Variants in TRIM68 observed in about 807,000 individuals in gnomAD.
The protein encoded by TRIM68 is E3 ubiquitin-protein ligase TRIM68.
TRIM68 carries 36 observed loss-of-function variants against 41.9 expected under a neutral mutation model. The ratio of observed to expected loss-of-function variants is 0.86; its 90% CI spans 0.66 to 1.14. The LOEUF is 1.14. TRIM68 is among the 50% of genes most tolerant of loss of function. The pLI, the probability that TRIM68 is intolerant of heterozygous loss-of-function variation, is 0.00. For synonymous variants in TRIM68, 225 were observed against 224.6 expected, an observed-to-expected ratio of 1.00 and a Z score of -0.02; for missense variants, 632 against 605.1, an observed-to-expected ratio of 1.04 and a Z score of -0.47.
At position 4,600,452 on chromosome 11, in the gene TRIM68, C is replaced by T. The variant is rs778466991; in HGVS notation, c.1282G>A (p.Asp428Asn). 19 of 1,613,668 alleles carry T rather than the reference C, an allele frequency of 1.2e-5. No homozygotes were observed. The South Asian group carries it at 2.0e-4, about 17-fold the overall frequency. ...VPPRRVGIFV[D>N]YEAHDISFYN... ...AAAGAAATGTCATGGGCCTCATAAT[C>T]CACGAAGATTCCCACCCGGCGAGGA... is the stretch of plus-strand genomic sequence containing the variant. Residue 428 changes from aspartate to asparagine, a missense_variant, in exon 7 of 7, where the codon GAT becomes AAT. Physicochemically the swap from Asp to Asn is conservative, Grantham distance 23. Transcript: ENST00000300747.
intron 2 of TRIM68, among the ~76,000 whole-genome samples, chr11:4,603,754 T>C (rs965773663): frequency 2.6e-5 from 4 of 152,184 alleles, no homozygotes; most frequent in African/African-American, 9.6e-5. Context: ...ATCTTGGCCT[T>C]ACTTTAGACC....
intron 1 of TRIM68, among the ~76,000 whole-genome samples, chr11:4,607,556 G>C (rs1306138259): frequency 6.6e-6 from 1 of 152,156 alleles, no homozygotes; most frequent in Non-Finnish European, 1.5e-5. Context: ...GTAAGGCAAA[G>C]AAATATCAAA....
chr11:4,602,472 T>C, intron 3 of TRIM68, 60 bp from the exon 4 acceptor site: 1 of 1,592,134 alleles, frequency 6.3e-7, no homozygotes, highest in Non-Finnish European at 8.6e-7. Flanking sequence ...TCGAGCATAC[T>C]GACATATGCA....
At position 4,599,832 on chromosome 11, in the gene TRIM68, G is replaced by C. The variant is rs565928117; in HGVS notation, c.*444C>G. On this transcript the variant is annotated 3_prime_UTR_variant, in exon 7 of 7. Coordinates refer to ENST00000300747, the MANE Select transcript of TRIM68 (RefSeq NM_018073.8). ...CTGACTGGCCTCAGCACAACAACCA[G>C]CTCTGGGTATGCGCAGCATTTTTTT... 1 of 155,858 alleles carries C rather than the reference G, an allele frequency of 6.4e-6. No individual in the cohort carries two copies. Among genetic ancestry groups the C allele is most frequent in the South Asian group, 2.0e-4 (1 of 4,948 alleles). 9.7% of individuals were successfully genotyped at this position (155,858 alleles called of 1,614,324 possible).
At position 4,600,111 on chromosome 11, in the gene TRIM68, A is replaced by G. The variant is rs1046928985; in HGVS notation, c.*165T>C. On this transcript the variant is annotated 3_prime_UTR_variant, in exon 7 of 7. Transcript: ENST00000300747. The stretch of plus-strand genomic sequence containing the variant: ...TCTGCTTTTTAAAATAAGTGGTTTC[A>G]TGACAGACTTCAGCCTGGTAGCAAA... The G allele has an allele frequency of 2.7e-5, 18 of 676,166 alleles. No homozygotes were observed. In the African/African-American group the frequency reaches 3.2e-4, roughly 12 times the overall value. 41.9% of individuals were successfully genotyped at this position (676,166 alleles called of 1,614,324 possible).
intron 1 of TRIM68, among the ~76,000 whole-genome samples, chr11:4,605,851 C>T (rs1344759930): frequency 6.6e-6 from 1 of 152,154 alleles, no homozygotes; most frequent in Non-Finnish European, 1.5e-5. Flanking sequence ...CTCTACTTGA[C>T]CATTACCACT....
At chr11:4,604,341 T>C (rs1846538192) in intron 2 of TRIM68, among the ~76,000 whole-genome samples, 1 of 152,240 alleles carries the variant, frequency 6.6e-6, no homozygotes, top group South Asian at 2.1e-4. Flanking sequence ...GATGTCATTA[T>C]GGGCATCTGA....
At chr11:4,603,520 G>C (rs2231967) in intron 2 of TRIM68, among the ~76,000 whole-genome samples, 180 bp from the exon 3 acceptor site, 1 of 152,228 alleles carries the variant, frequency 6.6e-6, no homozygotes, top group Admixed American at 6.5e-5. Flanking sequence ...TCTCTGGGCT[G>C]AGAATCATTT....
Position 4,600,406 on chromosome 11 carries a change from CCA to C in TRIM68, c.1326_1327del (p.Cys442TrpfsTer21), listed in dbSNP as rs771822197. On this transcript the variant is annotated frameshift_variant, in exon 7 of 7. Transcript: ENST00000300747. LOFTEE classifies it high-confidence loss of function. Reference sequence around the variant, plus strand: ...GCGGGGGAAAGTGAAGATGTGGGAGCCACAGTCAGTCACATTGTAGAAAGAAA... The same window carrying C: ...GCGGGGGAAAGTGAAGATGTGGGAGCCAGTCAGTCACATTGTAGAAAGAAA... 3.1e-6 allele frequency: 5 copies of C among 1,614,062 alleles called. No individual in the cohort carries two copies. The South Asian group carries it at 5.5e-5, about 18-fold the overall frequency.
rs1317762473 is a variant in TRIM68 at position 4,605,520 on chromosome 11, C to T, written c.-16G>A. ...TGGGATCCATGGTTCCTTCTCACAC[C>T]CTCCTCAGAACATGAATGAAACCAG... is the stretch of plus-strand genomic sequence containing the variant. On this transcript the variant is annotated 5_prime_UTR_variant, in exon 2 of 7. Transcript: ENST00000300747. 1 of 1,591,208 alleles carries T rather than the reference C, an allele frequency of 6.3e-7. No homozygotes were observed. The highest frequency in any genetic ancestry group is 2.2e-5 in the East Asian group (1 of 44,512).
In TRIM68 at chr11:4,600,611, A is replaced by G. The variant is rs779546475; in HGVS notation, c.1123T>C (p.Cys375Arg). 1.2e-6 allele frequency: 2 copies of G among 1,613,994 alleles called. No homozygotes were observed. The highest frequency in any genetic ancestry group is 2.2e-5 in the South Asian group (2 of 91,064). Residue 375 changes from cysteine (C) to arginine (R), a missense_variant, in exon 7 of 7, where the codon TGT becomes CGT. By Grantham distance (180) the Cys-to-Arg change is radical. Coordinates refer to ENST00000300747, the MANE Select transcript of TRIM68 (RefSeq NM_018073.8). The stretch of plus-strand genomic sequence containing the variant: ...TCCTTCCGGTCTACATTTTGCTTAC[A>G]TACTCCCAGGCCCCACTCAGACCTG... ...GDRSEWGLGVCKQNVDRKEVV... is the reference protein window; with the variant it reads ...GDRSEWGLGVRKQNVDRKEVV...
In TRIM68 at chr11:4,605,509, C is replaced by G. The variant is rs2133201447; in HGVS notation, c.-5G>C. 1 of 1,597,794 alleles carries G rather than the reference C, an allele frequency of 6.3e-7. No individual in the cohort carries two copies. Among genetic ancestry groups the G allele is most frequent in the South Asian group, 1.1e-5 (1 of 89,520 alleles). ...CACCAAGGCTGTGGGATCCATGGTT[C>G]CTTCTCACACCCTCCTCAGAACATG... is the stretch of plus-strand genomic sequence containing the variant. On this transcript the variant is annotated 5_prime_UTR_variant, in exon 2 of 7. Coordinates refer to ENST00000300747, the MANE Select transcript of TRIM68 (RefSeq NM_018073.8).
intron 2 of TRIM68, among the ~76,000 whole-genome samples, chr11:4,603,751 CCTTA>C (rs1202107280): frequency 1.3e-5 from 2 of 152,140 alleles, no homozygotes; most frequent in Non-Finnish European, 2.9e-5. Flanking sequence ...AGAATCTTGG[CCTTA>C]CTTTAGACCT....
chr11:4,599,447 A>C lies in TRIM68; in HGVS notation c.*829T>G. On this transcript the variant is annotated 3_prime_UTR_variant, in exon 7 of 7. Coordinates refer to ENST00000300747, the MANE Select transcript of TRIM68 (RefSeq NM_018073.8). ...AGGAGGCAGAGCCTGCAGTGAGCCG[A>C]GATCGTGCCACTGCACTCCAGCCTG... 6.6e-6 allele frequency: 1 copy of C among 152,438 alleles called. No individual in the cohort carries two copies. The highest frequency in any genetic ancestry group is 1.5e-5 in the Non-Finnish European group (1 of 68,140). The allele number at this position is 152,438 out of a possible 1,614,324, so 9.4% of individuals were successfully genotyped here. A position where few individuals can be genotyped will look rare whatever the true frequency, so the allele number is the denominator to read the frequency against.
intron 1 of TRIM68, among the ~76,000 whole-genome samples, chr11:4,605,779 G>C (rs1589850311): frequency 6.6e-6 from 1 of 152,184 alleles, no homozygotes; most frequent in Non-Finnish European, 1.5e-5. Flanking sequence ...GCCTAAGTGA[G>C]TGAATATTGG....
rs943383277 is a variant in TRIM68, at chr11:4,598,907, C to T, written c.*1369G>A. 7 of 152,160 alleles carry T rather than the reference C, an allele frequency of 4.6e-5. No homozygotes were observed. The highest frequency in any genetic ancestry group is 8.8e-5 in the Non-Finnish European group (6 of 68,044). The allele number at this position is 152,160 out of a possible 1,614,324, so 9.4% of individuals were successfully genotyped here. On this transcript the variant is annotated 3_prime_UTR_variant, in exon 7 of 7. Coordinates refer to ENST00000300747, the MANE Select transcript of TRIM68 (RefSeq NM_018073.8). Reference sequence around the variant, plus strand: ...TGGGAAAGTCACCATGTGCAAAATCCACGGCTTGCCTGCCTCTATGCCTCA... The same window carrying T: ...TGGGAAAGTCACCATGTGCAAAATCTACGGCTTGCCTGCCTCTATGCCTCA...
intron 4 of TRIM68, 127 bp from the exon 5 acceptor site, chr11:4,601,813 A>G (rs1401543068): frequency 6.2e-6 from 7 of 1,130,778 alleles, no homozygotes; most frequent in Non-Finnish European, 9.3e-6. Flanking sequence ...GATGCCATGC[A>G]GAGGTAAGGA....
At chr11:4,602,905 A>C (rs1846514663) in intron 3 of TRIM68, among the ~76,000 whole-genome samples, 1 of 152,248 alleles carries the variant, frequency 6.6e-6, no homozygotes, top group South Asian at 2.1e-4. Context: ...ACTCTTAGCA[A>C]ATATTCTCTA....
chr11:4,603,983 T>C (rs1471681280), intron 2 of TRIM68, among the ~76,000 whole-genome samples: 1 of 152,224 alleles, frequency 6.6e-6, no homozygotes, highest in African/African-American at 2.4e-5. Context: ...AATATGCATG[T>C]GATACTTACA....
Sources: allele counts gnomAD v4.1 joint callset (sites outside exome capture counted in the v4.1 genomes callset), GRCh38; gene constraint gnomAD v4.1.1; transcripts MANE v1.5; gene names NCBI Gene and HGNC (gene_info 2026-07-23, HGNC 2026-07-21).